Variants in SEL1L3 observed in about 807,000 individuals in gnomAD.
The protein encoded by SEL1L3 is protein sel-1 homolog 3.
SEL1L3 carries 76 observed loss-of-function variants against 142.8 expected under a neutral mutation model. That is an observed-to-expected ratio of 0.53 (90% CI 0.44 to 0.64). SEL1L3 has a LOEUF of 0.64. SEL1L3 is among the 30% of genes least tolerant of loss of function. The pLI is 0.00. For synonymous variants in SEL1L3, 504 were observed against 519.6 expected, an observed-to-expected ratio of 0.97 and a Z score of 0.41; for missense variants, 1,262 against 1,381.7, an observed-to-expected ratio of 0.91 and a Z score of 1.37.
At chr4:25,796,591 G>A (rs972951596) in intron 11 of SEL1L3, among the ~76,000 whole-genome samples, 2 of 151,950 alleles carry the variant, frequency 1.3e-5, no homozygotes, top group East Asian at 1.9e-4. Flanking sequence ...TCAGGAGTTC[G>A]AGGCTAGCCT....
At chr4:25,811,208 A>G (rs1301900031) in intron 9 of SEL1L3, among the ~76,000 whole-genome samples, 1 of 152,194 alleles carries the variant, frequency 6.6e-6, no homozygotes, top group Non-Finnish European at 1.5e-5. Flanking sequence ...ACTAGATTAC[A>G]GATCATATGA....
chr4:25,808,819 C>T (rs543964032), intron 9 of SEL1L3, among the ~76,000 whole-genome samples: 1 of 152,284 alleles, frequency 6.6e-6, no homozygotes, highest in South Asian at 2.1e-4. Context: ...CCTGTAATCC[C>T]AGCACTTTGG....
chr4:25,786,567 C>T (rs1042438876), intron 13 of SEL1L3, among the ~76,000 whole-genome samples: 4 of 152,284 alleles, frequency 2.6e-5, no homozygotes, highest in East Asian at 1.9e-4. Context: ...GGACAGCGAT[C>T]GGCCTCCACT....
intron 1 of SEL1L3, among the ~76,000 whole-genome samples, chr4:25,854,599 G>A (rs149751556): frequency 6.6e-6 from 1 of 152,278 alleles, no homozygotes; most frequent in African/African-American, 2.4e-5. Flanking sequence ...TATTATCCCA[G>A]ATAGAGTTTT....
At chr4:25,744,511 G>A (rs1184032896), downstream of SEL1L3, among the ~76,000 whole-genome samples, 1 of 151,810 alleles carries the variant, frequency 6.6e-6, no homozygotes, top group Non-Finnish European at 1.5e-5. Flanking sequence ...GCACCACCAC[G>A]CCCAGCTAAT....
intron 11 of SEL1L3, among the ~76,000 whole-genome samples, chr4:25,798,107 G>A (rs1302767550): frequency 6.6e-6 from 1 of 152,166 alleles, no homozygotes; most frequent in African/African-American, 2.4e-5. Context: ...TGGTTGGGGA[G>A]GTAGCAAGGA....
chr4:25,781,168 T>C (rs145813681), intron 15 of SEL1L3, among the ~76,000 whole-genome samples: 2 of 152,272 alleles, frequency 1.3e-5, no homozygotes, highest in Non-Finnish European at 2.9e-5. Context: ...TTTAGTTCTC[T>C]GCATAGCACT....
chr4:25,780,824 T>A (rs1042615227), intron 15 of SEL1L3, among the ~76,000 whole-genome samples: 5 of 144,078 alleles, frequency 3.5e-5, no homozygotes, highest in East Asian at 4.0e-4. Context: ...TATATATATT[T>A]TATATATATA....
the SEL1L3 span, among the ~76,000 whole-genome samples, chr4:25,715,041 A>G: frequency 1.3e-5 from 2 of 152,218 alleles, no homozygotes. Flanking sequence ...ACAGACAAAG[A>G]GCTAATTTCA....
intron 20 of SEL1L3, chr4:25,759,350 G>T (rs376004856): frequency 1.4e-4 from 48 of 335,186 alleles, no homozygotes; most frequent in African/African-American, 8.8e-4. Flanking sequence ...TCTCAGAATA[G>T]AACTTACTGG....
At chr4:25,717,317 T>C in the SEL1L3 span, among the ~76,000 whole-genome samples, 1 of 151,482 alleles carries the variant, frequency 6.6e-6, no homozygotes, top group African/African-American at 2.4e-5. Flanking sequence ...ACGATAGGAG[T>C]AGGGAAGAAT....
At chr4:25,802,035 T>C (rs1041125133) in intron 11 of SEL1L3, among the ~76,000 whole-genome samples, 5 of 152,202 alleles carry the variant, frequency 3.3e-5, no homozygotes, top group African/African-American at 1.2e-4. Flanking sequence ...CAAGGCCAAG[T>C]TGACTCTTCA....
chr4:25,795,326 A>C (rs1259502339), intron 11 of SEL1L3, among the ~76,000 whole-genome samples: 1 of 152,218 alleles, frequency 6.6e-6, no homozygotes, highest in African/African-American at 2.4e-5. Context: ...CTCATACTAA[A>C]GTGTAAATGG....
At chr4:25,854,408 C>T (rs1210087484) in intron 1 of SEL1L3, among the ~76,000 whole-genome samples, 1 of 152,064 alleles carries the variant, frequency 6.6e-6, no homozygotes, top group African/African-American at 2.4e-5. Context: ...CTCCTGAGTA[C>T]CTGGGACTAC....
intron 16 of SEL1L3, among the ~76,000 whole-genome samples, chr4:25,777,403 ATAC>A (rs1207038655): frequency 1.3e-5 from 2 of 152,148 alleles, no homozygotes; most frequent in Non-Finnish European, 2.9e-5. Context: ...AGATTTTAAT[ATAC>A]TTCTTTCAGT....
upstream of SEL1L3, chr4:25,863,561 C>G (rs777340557): frequency 2.8e-6 from 2 of 702,190 alleles, no homozygotes; most frequent in South Asian, 3.0e-5. Flanking sequence ...TGCCGCGCAG[C>G]TGCCCGGCTC....
intron 23 of SEL1L3, chr4:25,756,280 C>T (rs1015334230): frequency 1.0e-5 from 10 of 985,062 alleles, no homozygotes; most frequent in South Asian, 4.7e-5. Context: ...CTTGAGAGAC[C>T]GGAGTCGTCT....
intron 8 of SEL1L3, 61 bp from the exon 9 acceptor site, chr4:25,818,339 C>A: frequency 1.4e-6 from 2 of 1,399,860 alleles, no homozygotes; most frequent in South Asian, 1.5e-5. Flanking sequence ...ACTCACCTCC[C>A]TAAAGCCCTT....
At chr4:25,811,748 G>GTTTTTTTTTT (rs60024973) in intron 9 of SEL1L3, among the ~76,000 whole-genome samples, 7 of 121,606 alleles carry the variant, frequency 5.8e-5, no homozygotes, top group Admixed American at 3.2e-4. Flanking sequence ...TTCTTTTCCT[G>GTTTTTTTTTT]TTTTTTTTTT....
Sources: allele counts gnomAD v4.1 joint callset (sites outside exome capture counted in the v4.1 genomes callset), GRCh38; gene constraint gnomAD v4.1.1; transcripts MANE v1.5; gene names NCBI Gene and HGNC (gene_info 2026-07-23, HGNC 2026-07-21).